The following DOCK5 variants were observed in gnomAD, a reference collection of about 807,000 sequenced individuals.
The protein encoded by DOCK5 is dedicator of cytokinesis 5, also known as dedicator of cytokinesis protein 5.
In DOCK5, 142 loss-of-function variants were observed where a neutral mutation model predicts 251.8. The ratio of observed to expected loss-of-function variants is 0.56; its 90% CI spans 0.49 to 0.65. The LOEUF (loss-of-function observed/expected upper bound fraction) is 0.65, where lower values mean the gene tolerates loss of function less well. Among genes scored for constraint, DOCK5 ranks in the 30% least tolerant of loss-of-function variants. The pLI is 0.00. For missense variants in DOCK5, 2,111 were observed against 2,312.3 expected (o/e 0.91, Z 1.79); for synonymous variants, 842 against 835.5 (o/e 1.01, Z -0.13).
intron 48 of DOCK5, among the ~76,000 whole-genome samples, chr8:25,406,238 G>A (rs533802747): frequency 3.9e-5 from 6 of 152,186 alleles, no homozygotes; most frequent in African/African-American, 1.4e-4. Flanking sequence ...GATTACAGGC[G>A]TGAGCCACCA....
intron 14 of DOCK5, 42 bp downstream of exon 14, chr8:25,317,173 T>A (rs751217485): frequency 1.4e-5 from 23 of 1,602,504 alleles, no homozygotes; most frequent in Non-Finnish European, 1.9e-5. Context: ...ATCGCATCCG[T>A]CTTTACAATC....
At chr8:25,210,035 A>ATATATATATAT (rs1802087244) in intron 1 of DOCK5, among the ~76,000 whole-genome samples, 1 of 11,714 alleles carries the variant, frequency 8.5e-5, no homozygotes, top group African/African-American at 1.6e-4. Context: ...TATATATATA[A>ATATATATATAT]ATGTGTGTGT....
chr8:25,280,183 GGC>G (rs1804152527), intron 5 of DOCK5, among the ~76,000 whole-genome samples: 1 of 152,190 alleles, frequency 6.6e-6, no homozygotes, highest in South Asian at 2.1e-4. Context: ...AAATTCCTAT[GGC>G]GAATGTATAT....
chr8:25,409,991 A>G (rs1801591345), intron 50 of DOCK5, 108 bp from the exon 51 acceptor site: 2 of 839,216 alleles, frequency 2.4e-6, no homozygotes, highest in South Asian at 1.7e-5. Context: ...TGTGGCTTTC[A>G]TCAGTTGGTT....
Position 25,366,916 on chromosome 8 carries a change from A to C in DOCK5, c.3170A>C (p.Glu1057Ala), listed in dbSNP as rs1800786001. 6.2e-7 allele frequency: 1 copy of C among 1,613,782 alleles called. No individual in the cohort carries two copies. The highest frequency in any genetic ancestry group is 1.7e-5 in the Admixed American group (1 of 59,990). Residue 1057 changes from glutamate (E) to alanine (A), a missense_variant, in exon 31 of 52, where the codon GAG becomes GCG. Transcript: ENST00000276440. ...TTGGCAGTTGCATTTCTCACCCATG[A>C]GTCCCTTCAGCTTGAAACCTTCTCA... ...FHLAVAFLTHESLQLETFSQA... is the reference protein window; with the variant it reads ...FHLAVAFLTHASLQLETFSQA...
At chr8:25,410,939 ATGT>A (rs1801612481) in intron 51 of DOCK5, among the ~76,000 whole-genome samples, 2 of 102,062 alleles carry the variant, frequency 2.0e-5, no homozygotes, top group African/African-American at 3.3e-5. Context: ...GAGAGAGAAA[ATGT>A]GTGTGTGTGT....
chr8:25,302,488 G>T, intron 10 of DOCK5, 34 bp downstream of exon 10: 1 of 1,492,944 alleles, frequency 6.7e-7, no homozygotes, highest in Non-Finnish European at 9.0e-7. Flanking sequence ...ATGTGAAATA[G>T]TGCAGTGCTG....
chr8:25,230,209 A>G lies in DOCK5; in HGVS notation c.44-13465A>G, dbSNP rs1189579971. On this transcript the variant is annotated intron_variant, in intron 1 of 51. Coordinates refer to ENST00000276440, the MANE Select transcript of DOCK5 (RefSeq NM_024940.8). ...TTCTCTGCTGGTTTGCATGAGGCTCACATATAGTAATGCAGGAGTTTTGCA... is the reference window on the plus strand; with the variant it reads ...TTCTCTGCTGGTTTGCATGAGGCTCGCATATAGTAATGCAGGAGTTTTGCA... Among the ~76,000 whole-genome samples, 2 of 152,144 alleles carry G rather than the reference A, an allele frequency of 1.3e-5. 1 individual carries two copies. The highest frequency in any genetic ancestry group is 1.3e-4 in the Admixed American group (2 of 15,264).
At chr8:25,306,563 G>A (rs544251682) in intron 11 of DOCK5, among the ~76,000 whole-genome samples, 29 of 151,698 alleles carry the variant, frequency 1.9e-4, no homozygotes, top group South Asian at 1.5e-3. Flanking sequence ...GCACAGTGGC[G>A]GGCGCCTGTA....
chr8:25,282,723 A>G (rs1004310904), intron 5 of DOCK5, among the ~76,000 whole-genome samples: 2 of 151,658 alleles, frequency 1.3e-5, no homozygotes, highest in African/African-American at 2.4e-5. Flanking sequence ...AGTGGCACAT[A>G]CCTGTAATCT....
intron 1 of DOCK5, among the ~76,000 whole-genome samples, chr8:25,233,249 A>G (rs144314311): frequency 6.6e-6 from 1 of 152,144 alleles, no homozygotes; most frequent in African/African-American, 2.4e-5. Flanking sequence ...CCTGCTGTTC[A>G]GTGTCTGAAA....
chr8:25,406,444 A>C lies in DOCK5; in HGVS notation c.5094-1539A>C, dbSNP rs142273245. On this transcript the variant is annotated intron_variant, in intron 48 of 51. Transcript: ENST00000276440. ...TCCATAATACAATAATTACATCATA[A>C]AAATAACCTACCTGAATGCCACCCT... Among the ~76,000 whole-genome samples the C allele has an allele frequency of 3.4e-3, 519 of 152,316 alleles. 3 individuals carry two copies. The highest frequency in any genetic ancestry group is 0.028 in the South Asian group (136 of 4,830).
intron 2 of DOCK5, among the ~76,000 whole-genome samples, chr8:25,248,887 A>C (rs1803193394): frequency 6.6e-6 from 1 of 152,228 alleles, no homozygotes; most frequent in Admixed American, 6.5e-5. Flanking sequence ...CCTGGGTATT[A>C]CAAGGCAGAG....
intron 50 of DOCK5, 118 bp downstream of exon 50, chr8:25,409,058 C>A: frequency 7.0e-7 from 1 of 1,438,098 alleles, no homozygotes; most frequent in Non-Finnish European, 9.6e-7. Flanking sequence ...AAAACTGGTT[C>A]AATTTCGTGT....
chr8:25,272,054 G>C (rs768225826), intron 3 of DOCK5, among the ~76,000 whole-genome samples: 16 of 152,260 alleles, frequency 1.1e-4, no homozygotes, highest in Admixed American at 6.5e-5. Flanking sequence ...TTTGAGACAG[G>C]ATCTCAGTCT....
At position 25,279,490 on chromosome 8, in the gene DOCK5, G is replaced by A. The variant is rs1005180667; in HGVS notation, c.321+825G>A. Among the ~76,000 whole-genome samples the A allele has an allele frequency of 3.3e-5, 5 of 149,968 alleles. No individual in the cohort carries two copies. In the South Asian group the frequency reaches 6.3e-4, roughly 19 times the overall value. On this transcript the variant is annotated intron_variant, in intron 5 of 51. Transcript: ENST00000276440. ...TAATGTTTTTTTTTTTTTTTGAGACGGAGTCTCACTCTTTCGCCCAAGCTG... is the reference window on the plus strand; with the variant it reads ...TAATGTTTTTTTTTTTTTTTGAGACAGAGTCTCACTCTTTCGCCCAAGCTG...
At chr8:25,235,372 C>T (rs1802769568) in intron 1 of DOCK5, among the ~76,000 whole-genome samples, 1 of 152,036 alleles carries the variant, frequency 6.6e-6, no homozygotes, top group South Asian at 2.1e-4. Context: ...GCGATCCTCC[C>T]ACCTCACCCT....
intron 35 of DOCK5, 38 bp from the exon 36 acceptor site, chr8:25,373,580 T>G (rs780713240): frequency 1.3e-6 from 2 of 1,559,066 alleles, no homozygotes; most frequent in Non-Finnish European, 1.7e-6. Flanking sequence ...AGCTCTTGAT[T>G]TATGTTGGGA....
chr8:25,365,658 T>C (rs907749828), intron 30 of DOCK5, among the ~76,000 whole-genome samples: 2 of 152,050 alleles, frequency 1.3e-5, no homozygotes, highest in East Asian at 1.9e-4. Context: ...CTCCCACCAA[T>C]TGTGGGAGGG....
Sources: gnomAD v4.1 joint callset for allele counts (sites outside exome capture counted in the v4.1 genomes callset) on GRCh38, gnomAD v4.1.1 for gene constraint, MANE v1.5 for transcripts, NCBI Gene and HGNC (gene_info 2026-07-23, HGNC 2026-07-21) for gene names.